ANXA10: variants seen among roughly 807,000 people sequenced by gnomAD.
The protein encoded by ANXA10 is annexin 14.
A neutral mutation model predicts 53.5 loss-of-function variants in ANXA10; 49 were observed. The ratio of observed to expected loss-of-function variants is 0.92; its 90% CI spans 0.73 to 1.16. The LOEUF (loss-of-function observed/expected upper bound fraction) is 1.16. Among genes scored for constraint, ANXA10 ranks in the 50% most tolerant of loss-of-function variants. The probability of loss-of-function intolerance (pLI) is 0.00; values close to 1 mark genes in which losing one functional copy is unlikely to be tolerated. For missense variants in ANXA10, 393 were observed against 394.4 expected (o/e 1.00, Z 0.03); for synonymous variants, 131 against 128.9 (o/e 1.02, Z -0.11).
At chr4:168,126,355 C>T (rs555565103) in intron 1 of ANXA10, among the ~76,000 whole-genome samples, 9 of 152,316 alleles carry the variant, frequency 5.9e-5, no homozygotes, top group African/African-American at 1.9e-4. Flanking sequence ...TATAGCTCAA[C>T]TGGCATTCTA....
chr4:168,164,405 G>A, intron 5 of ANXA10, 117 bp downstream of exon 5: 1 of 779,400 alleles, frequency 1.3e-6, no homozygotes, highest in Non-Finnish European at 2.0e-6. Flanking sequence ...ATTTAACATA[G>A]GATTCACTGA....
intron 3 of ANXA10, among the ~76,000 whole-genome samples, chr4:168,139,895 G>T (rs867940612): frequency 6.6e-6 from 1 of 152,128 alleles, no homozygotes; most frequent in Non-Finnish European, 1.5e-5. Context: ...TAGGCTTAAA[G>T]TGTTGTGCTG....
chr4:168,178,895 C>T (rs960535769), intron 8 of ANXA10, among the ~76,000 whole-genome samples: 1 of 152,108 alleles, frequency 6.6e-6, no homozygotes, highest in Non-Finnish European at 1.5e-5. Flanking sequence ...TTATATATGT[C>T]CTAAATAACT....
intron 3 of ANXA10, among the ~76,000 whole-genome samples, chr4:168,145,823 G>A (rs1023813085): frequency 6.6e-6 from 1 of 152,172 alleles, no homozygotes; most frequent in Admixed American, 6.5e-5. Context: ...CAAGAAGATA[G>A]AGTCAGAAGT....
intron 1 of ANXA10, 132 bp downstream of exon 1, chr4:168,092,850 A>G (rs1730481330): frequency 1.4e-6 from 1 of 718,044 alleles, no homozygotes; most frequent in Non-Finnish European, 2.1e-6. Flanking sequence ...CTACTTTCTT[A>G]CTATTTTATG....
intron 6 of ANXA10, among the ~76,000 whole-genome samples, chr4:168,167,375 G>T (rs1578930441): frequency 6.6e-6 from 1 of 152,152 alleles, no homozygotes; most frequent in Non-Finnish European, 1.5e-5. Context: ...CTTTGTGTTA[G>T]ATAATTTTGC....
chr4:168,169,326 T>C (rs1731940445), intron 6 of ANXA10, among the ~76,000 whole-genome samples: 1 of 152,182 alleles, frequency 6.6e-6, no homozygotes, highest in Admixed American at 6.5e-5. Context: ...ACTCAGAGAT[T>C]CTTCTTGGCA....
intron 5 of ANXA10, 42 bp downstream of exon 5, chr4:168,164,330 G>A: frequency 2.2e-6 from 3 of 1,388,714 alleles, no homozygotes; most frequent in African/African-American, 1.4e-5. Flanking sequence ...ACACATATAA[G>A]AACTTTATAA....
intron 11 of ANXA10, among the ~76,000 whole-genome samples, chr4:168,185,171 A>T (rs565829703): frequency 3.3e-5 from 5 of 152,210 alleles, no homozygotes; most frequent in African/African-American, 9.6e-5. Context: ...GAAAAAGAAA[A>T]AAAAAAGAGA....
intron 1 of ANXA10, among the ~76,000 whole-genome samples, chr4:168,114,082 T>C (rs1466979316): frequency 6.6e-6 from 1 of 152,220 alleles, no homozygotes; most frequent in East Asian, 1.9e-4. Flanking sequence ...CTTTTGTAAA[T>C]AACCTAAATA....
intron 6 of ANXA10, among the ~76,000 whole-genome samples, chr4:168,177,303 T>C (rs556673492): frequency 6.6e-5 from 10 of 152,286 alleles, no homozygotes; most frequent in African/African-American, 2.4e-4. Flanking sequence ...CTGCACAAAG[T>C]CTGAGCTTCA....
rs969482636 is a variant in ANXA10, at chr4:168,093,557, T to TA, written c.18+846dup. Among the ~76,000 whole-genome samples, 238 of 152,178 alleles carry TA rather than the reference T, an allele frequency of 1.6e-3. 2 individuals are homozygous for TA. The highest frequency in any genetic ancestry group is 5.5e-3 in the African/African-American group (230 of 41,532). ...GATGATTCTTTACAAATCTATACTA[T>TA]AAAAAAACTTTCAGGAGACTGAGGC... On this transcript the variant is annotated intron_variant, in intron 1 of 11. Coordinates refer to ENST00000359299, the MANE Select transcript of ANXA10 (RefSeq NM_007193.5).
intron 2 of ANXA10, among the ~76,000 whole-genome samples, 188 bp from the exon 3 acceptor site, chr4:168,139,298 A>G (rs576532419): frequency 5.3e-5 from 8 of 152,302 alleles, no homozygotes; most frequent in African/African-American, 1.7e-4. Context: ...GCACTAAATT[A>G]GGAGATAGGA....
intron 1 of ANXA10, among the ~76,000 whole-genome samples, chr4:168,117,939 C>CTCA (rs1560962422): frequency 0.036 from 4,735 of 130,218 alleles, 71 homozygotes; most frequent in South Asian, 0.043. Context: ...TCACTCACTC[C>CTCA]CTCCCTCCCT....
chr4:168,145,290 C>A (rs539582469), intron 3 of ANXA10, among the ~76,000 whole-genome samples: 4 of 152,152 alleles, frequency 2.6e-5, no homozygotes, highest in Non-Finnish European at 5.9e-5. Context: ...TCCTGAGGAA[C>A]AATTTAGGGA....
At chr4:168,095,353 T>C (rs2149463009) in intron 1 of ANXA10, among the ~76,000 whole-genome samples, 1 of 152,092 alleles carries the variant, frequency 6.6e-6, no homozygotes, top group East Asian at 1.9e-4. Flanking sequence ...AGAGTTAACT[T>C]TAATCCTATT....
At chr4:168,181,876 A>T (rs1056358637) in intron 10 of ANXA10, 135 bp downstream of exon 10, 2 of 663,154 alleles carry the variant, frequency 3.0e-6, no homozygotes, top group Non-Finnish European at 5.2e-6. Context: ...CACCCAAGTG[A>T]GAAAAACTGG....
At chr4:168,187,165 C>CT (rs1337219174) in intron 11 of ANXA10, among the ~76,000 whole-genome samples, 1 of 152,116 alleles carries the variant, frequency 6.6e-6, no homozygotes, top group Non-Finnish European at 1.5e-5. Flanking sequence ...ATACTACTGA[C>CT]TGTAACCAGA....
At chr4:168,152,725 A>G (rs781509156) in intron 3 of ANXA10, among the ~76,000 whole-genome samples, 54 of 150,062 alleles carry the variant, frequency 3.6e-4, no homozygotes, top group Non-Finnish European at 6.8e-4. Context: ...ATATATATAT[A>G]TGTATCGCCT....
Sources: gnomAD v4.1 joint callset for allele counts (sites outside exome capture counted in the v4.1 genomes callset) on GRCh38, gnomAD v4.1.1 for gene constraint, MANE v1.5 for transcripts, NCBI Gene and HGNC (gene_info 2026-07-23, HGNC 2026-07-21) for gene names.